The following MRTFB variants were observed in gnomAD, a reference collection of about 807,000 sequenced individuals.
MRTFB encodes myocardin-related transcription factor B.
In MRTFB, 29 loss-of-function variants were observed where a neutral mutation model predicts 104.2. That is an observed-to-expected ratio of 0.28 (90% CI 0.21 to 0.38). The LOEUF is 0.38. Ranked by LOEUF, MRTFB falls within the 10% of genes least tolerant of loss-of-function variation. The probability of loss-of-function intolerance (pLI) is 1.00; values close to 1 mark genes in which losing one functional copy is unlikely to be tolerated. For synonymous variants in MRTFB, 535 were observed against 519.5 expected, an observed-to-expected ratio of 1.03 and a Z score of -0.41; for missense variants, 1,270 against 1,341.6, an observed-to-expected ratio of 0.95 and a Z score of 0.83.
chr16:13,998,160 G>C, the MRTFB span, among the ~76,000 whole-genome samples: 2 of 152,162 alleles, frequency 1.3e-5, no homozygotes, highest in African/African-American at 4.8e-5. Flanking sequence ...ACTCAGCAAG[G>C]GGGTGAGTCG....
Position 14,260,951 on chromosome 16 carries a change from A to G in MRTFB, c.2807A>G (p.Lys936Arg). The change falls in exon 17 of 17, where the codon AAA becomes AGA. Residue 936 changes from lysine (K) to arginine (R), a missense_variant. Transcript: ENST00000571589. ...AAAGAAGAACCTTCTCCTATTTCCA[A>G]AATGAGACCAGTGACAGCCAGCATC... Reference protein sequence around the residue: ...PIKEEPSPISKMRPVTASITT... With the variant: ...PIKEEPSPISRMRPVTASITT... The G allele has an allele frequency of 6.2e-7, 1 of 1,613,324 alleles. No homozygotes were observed.
chr16:14,002,505 A>G, the MRTFB span, among the ~76,000 whole-genome samples: 2 of 152,172 alleles, frequency 1.3e-5, no homozygotes, highest in Non-Finnish European at 2.9e-5. Context: ...AATAACTTCT[A>G]CTAGGTGATT....
intron 2 of MRTFB, among the ~76,000 whole-genome samples, chr16:14,108,149 G>A (rs1330487003): frequency 6.6e-6 from 1 of 152,162 alleles, no homozygotes; most frequent in African/African-American, 2.4e-5. Context: ...TGGGAGCCCT[G>A]GATCTGAAAG....
At chr16:14,142,406 C>T (rs1248308261) in intron 3 of MRTFB, 2 of 152,396 alleles carry the variant, frequency 1.3e-5, no homozygotes, top group African/African-American at 2.4e-5. Flanking sequence ...ACCACCACGC[C>T]CAGCTAATTT....
chr16:14,115,373 A>G (rs1458433697), intron 2 of MRTFB, among the ~76,000 whole-genome samples: 2 of 152,230 alleles, frequency 1.3e-5, no homozygotes, highest in Non-Finnish European at 2.9e-5. Context: ...TTTAAGGTAG[A>G]GTTCCAAAAA....
At position 14,074,374 on chromosome 16, in the gene MRTFB, T is replaced by C. The variant is rs79040749; in HGVS notation, c.-129+3009T>C. 1.8e-3 allele frequency among the ~76,000 whole-genome samples: 281 copies of C among 152,332 alleles called. 2 individuals are homozygous for C. The Middle Eastern group carries it at 0.027, about 15-fold the overall frequency. On this transcript the variant is annotated intron_variant, in intron 1 of 16. Transcript: ENST00000571589. ...TTCACCTGTATGTAAAAGATGTTGA[T>C]TGAAAATGTTCCATTTTTCTAGGCA... is the stretch of plus-strand genomic sequence containing the variant.
At chr16:14,088,496 T>C (rs1249847271) in intron 2 of MRTFB, among the ~76,000 whole-genome samples, 1 of 152,202 alleles carries the variant, frequency 6.6e-6, no homozygotes, top group Non-Finnish European at 1.5e-5. Context: ...GTTCTTAGAA[T>C]GTTGACATTG....
the MRTFB span, among the ~76,000 whole-genome samples, chr16:14,029,419 A>AAATAT: frequency 9.0e-5 from 8 of 88,902 alleles, no homozygotes; most frequent in Admixed American, 4.2e-4. Context: ...AAAAAAAAAA[A>AAATAT]ATATATATAT....
At chr16:14,169,443 C>T (rs2039351905) in intron 3 of MRTFB, among the ~76,000 whole-genome samples, 1 of 135,236 alleles carries the variant, frequency 7.4e-6, no homozygotes, top group Non-Finnish European at 1.5e-5. Context: ...TTTAACTTTG[C>T]CCATTTTTTA....
At position 14,247,004 on chromosome 16, in the gene MRTFB, G is replaced by A. The variant is rs1015211915; in HGVS notation, c.1744G>A (p.Glu582Lys). The A allele has an allele frequency of 1.1e-5, 18 of 1,614,072 alleles. No individual in the cohort carries two copies. Among genetic ancestry groups the A allele is most frequent in the African/African-American group, 5.3e-5 (4 of 74,938 alleles). Residue 582 changes from glutamate (E) to lysine (K), a missense_variant, in exon 12 of 17, where the codon GAA (glutamate) becomes AAA (lysine). Transcript: ENST00000571589. ...GCTTCAGGAGAAAGAGAAGCAAATC[G>A]AAGAGCTGAAGAGGAAACTGGAACA... ...RKLQEKEKQI[E>K]ELKRKLEQEQ...
At chr16:14,016,678 C>G in the MRTFB span, among the ~76,000 whole-genome samples, 7 of 146,156 alleles carry the variant, frequency 4.8e-5, no homozygotes, top group African/African-American at 1.8e-4. Context: ...GAGGCTGAGG[C>G]AGGAGAATGG....
At chr16:14,156,467 C>G (rs2038832258) in intron 3 of MRTFB, among the ~76,000 whole-genome samples, 2 of 152,160 alleles carry the variant, frequency 1.3e-5, no homozygotes, top group African/African-American at 4.8e-5. Flanking sequence ...AAAGACCAGG[C>G]TAATAGTTAT....
At chr16:14,120,498 C>T (rs1055290168) in intron 2 of MRTFB, among the ~76,000 whole-genome samples, 6 of 152,150 alleles carry the variant, frequency 3.9e-5, no homozygotes, top group Non-Finnish European at 7.3e-5. Context: ...AAATTTTCCA[C>T]GTGAGTAAAC....
intron 8 of MRTFB, among the ~76,000 whole-genome samples, chr16:14,223,484 A>C (rs1253064424): frequency 1.3e-5 from 2 of 152,148 alleles, no homozygotes; most frequent in Non-Finnish European, 2.9e-5. Flanking sequence ...AAACTAAAGG[A>C]AATTAGGAAA....
chr16:14,122,242 T>TA (rs112858435), intron 2 of MRTFB, among the ~76,000 whole-genome samples: 35,446 of 151,936 alleles, frequency 0.23, 7,876 homozygotes, highest in African/African-American at 0.57. Flanking sequence ...GGATCTGTTT[T>TA]TTTTTTTTCA....
At chr16:14,160,822 AC>A (rs1436168765) in intron 3 of MRTFB, among the ~76,000 whole-genome samples, 1 of 151,956 alleles carries the variant, frequency 6.6e-6, no homozygotes, top group Non-Finnish European at 1.5e-5. Flanking sequence ...GGTAACTGTG[AC>A]CCCTTTCATG....
chr16:14,191,205 C>G (rs923695781), intron 3 of MRTFB, among the ~76,000 whole-genome samples: 3 of 152,140 alleles, frequency 2.0e-5, no homozygotes, highest in African/African-American at 7.2e-5. Context: ...AAAAATTCAG[C>G]TCCTCAGTCA....
intron 3 of MRTFB, among the ~76,000 whole-genome samples, chr16:14,179,487 A>AC (rs2039696322): frequency 6.6e-6 from 1 of 152,236 alleles, no homozygotes; most frequent in African/African-American, 2.4e-5. Context: ...CAAATTGCAT[A>AC]CATTTCCGTA....
the MRTFB span, among the ~76,000 whole-genome samples, chr16:14,056,258 C>T: frequency 6.6e-6 from 1 of 152,168 alleles, no homozygotes; most frequent in Admixed American, 6.5e-5. Flanking sequence ...GGATTACAGC[C>T]ATGAGCCACC....
Sources: allele counts gnomAD v4.1 joint callset (sites outside exome capture counted in the v4.1 genomes callset), GRCh38; gene constraint gnomAD v4.1.1; transcripts MANE v1.5; gene names NCBI Gene and HGNC (gene_info 2026-07-23, HGNC 2026-07-21).